SSH2: variants seen among roughly 807,000 people sequenced by gnomAD.
SSH2 encodes protein phosphatase Slingshot homolog 2.
A neutral mutation model predicts 135.2 loss-of-function variants in SSH2; 37 were observed. The ratio of observed to expected loss-of-function variants is 0.27; its 90% CI spans 0.21 to 0.36. The LOEUF is 0.36. Among genes scored for constraint, SSH2 ranks in the 10% least tolerant of loss-of-function variants. The pLI, the probability that SSH2 is intolerant of heterozygous loss-of-function variation, is 1.00. For missense variants in SSH2, 1,408 were observed against 1,765.3 expected (o/e 0.80, Z 3.63); for synonymous variants, 628 against 646.2 (o/e 0.97, Z 0.43).
intron 2 of SSH2, among the ~76,000 whole-genome samples, chr17:29,835,429 C>T (rs890627320): frequency 1.3e-5 from 2 of 152,186 alleles, no homozygotes; most frequent in South Asian, 2.1e-4. Flanking sequence ...CCTTTCCCTT[C>T]CCAAGAACAG....
At chr17:29,799,300 G>A (rs577496556) in intron 2 of SSH2, among the ~76,000 whole-genome samples, 1 of 152,132 alleles carries the variant, frequency 6.6e-6, no homozygotes, top group African/African-American at 2.4e-5. Flanking sequence ...ATACCTATGA[G>A]TGAAACTGCA....
At chr17:29,874,022 G>T (rs1287424790) in intron 1 of SSH2, among the ~76,000 whole-genome samples, 1 of 152,172 alleles carries the variant, frequency 6.6e-6, no homozygotes, top group African/African-American at 2.4e-5. Context: ...GCTGGGCGCA[G>T]CAGCTCATGC....
chr17:29,874,160 GTGCGTGCC>G (rs2065986902), intron 1 of SSH2, among the ~76,000 whole-genome samples: 1 of 151,928 alleles, frequency 6.6e-6, no homozygotes, highest in Non-Finnish European at 1.5e-5. Flanking sequence ...GAGTATGGTG[GTGCGTGCC>G]TGCAGTCCCA....
rs2042403997 is a variant in SSH2, at chr17:29,809,472, C to T, written c.145-15535G>A. ...AAGTCTTGTAGTATCTCTAACATAC[C>T]ACTCCGTCTTGTCTCAGACTTTACT... On this transcript the variant is annotated intron_variant, in intron 2 of 15. Coordinates refer to ENST00000540801, the MANE Select transcript of SSH2 (RefSeq NM_001282129.2). 3.3e-5 allele frequency among the ~76,000 whole-genome samples: 5 copies of T among 152,100 alleles called. No individual in the cohort carries two copies. In the South Asian group the frequency reaches 1.0e-3, roughly 32 times the overall value.
chr17:29,668,045 C>T (rs760065374), intron 9 of SSH2, among the ~76,000 whole-genome samples: 9 of 152,204 alleles, frequency 5.9e-5, no homozygotes, highest in Non-Finnish European at 1.2e-4. Flanking sequence ...ATGAGGTTGA[C>T]AGAGAGTACT....
At chr17:29,859,218 C>T (rs1015178344) in intron 1 of SSH2, among the ~76,000 whole-genome samples, 3 of 152,084 alleles carry the variant, frequency 2.0e-5, no homozygotes, top group Admixed American at 6.6e-5. Flanking sequence ...TCTTCAATAT[C>T]GGTAAAGGTG....
intron 1 of SSH2, among the ~76,000 whole-genome samples, chr17:29,899,385 G>A (rs1463776641): frequency 5.3e-5 from 8 of 152,132 alleles, no homozygotes; most frequent in African/African-American, 7.2e-5. Context: ...AAACCCCATC[G>A]TCTCAGCCCA....
intron 1 of SSH2, among the ~76,000 whole-genome samples, chr17:29,903,932 C>A (rs1433220872): frequency 6.6e-6 from 1 of 152,088 alleles, no homozygotes; most frequent in Admixed American, 6.5e-5. Flanking sequence ...AACATACACC[C>A]TCCTGAGACT....
At chr17:29,841,285 G>A (rs1008371090) in intron 2 of SSH2, among the ~76,000 whole-genome samples, 7 of 152,172 alleles carry the variant, frequency 4.6e-5, no homozygotes, top group African/African-American at 1.4e-4. Flanking sequence ...ACACTTTTCT[G>A]TATGTATATT....
Position 29,635,953 on chromosome 17 carries a change from A to G in SSH2, c.2262+15T>C. ...AGAACTTCATTAGGCGGAAAACTAT[A>G]AAGACAGTTTTTACCTTTGACTGTT... On this transcript the variant is annotated intron_variant, in intron 15 of 15. Coordinates refer to ENST00000540801, the MANE Select transcript of SSH2 (RefSeq NM_001282129.2). The G allele has an allele frequency of 6.4e-7, 1 of 1,562,170 alleles. No individual in the cohort carries two copies. The highest frequency in any genetic ancestry group is 8.8e-7 in the Non-Finnish European group (1 of 1,139,968).
chr17:29,756,428 ACCTG>A (rs914800723), intron 3 of SSH2, among the ~76,000 whole-genome samples: 8 of 151,074 alleles, frequency 5.3e-5, no homozygotes, highest in East Asian at 3.9e-4. Flanking sequence ...GAACCACTAC[ACCTG>A]CCTGCCTGCC....
rs769872137 is a variant in SSH2 at position 29,636,651 on chromosome 17, G to A, written c.1579C>T (p.His527Tyr). 2 of 1,614,160 alleles carry A rather than the reference G, an allele frequency of 1.2e-6. No individual in the cohort carries two copies. Among genetic ancestry groups the A allele is most frequent in the Non-Finnish European group, 1.7e-6 (2 of 1,180,034 alleles). The change falls in exon 15 of 16, where the codon CAC (histidine) becomes TAC (tyrosine). Residue 527 changes from histidine (H) to tyrosine (Y), a missense_variant. Physicochemically the swap from His to Tyr is moderately conservative, Grantham distance 83 (BLOSUM62 2). This residue lies in a region of SSH2 where 1,080 missense variants were observed against 1,144.5 expected (regional missense o/e 0.94). Coordinates refer to ENST00000540801, the MANE Select transcript of SSH2 (RefSeq NM_001282129.2). The part of the protein sequence containing the change: ...QIAEVKTMES[H>Y]PPIPPVFVEH... Reference sequence around the variant, plus strand: ...ACAAAGACAGGAGGTATGGGTGGGTGACTCTCCATGGTCTTCACCTCAGCA... The same window carrying A: ...ACAAAGACAGGAGGTATGGGTGGGTAACTCTCCATGGTCTTCACCTCAGCA...
chr17:29,862,481 C>T (rs761817359), intron 1 of SSH2, among the ~76,000 whole-genome samples: 1 of 152,158 alleles, frequency 6.6e-6, no homozygotes, highest in Non-Finnish European at 1.5e-5. Flanking sequence ...AATTAAGAGA[C>T]CAACAGTCTT....
At chr17:29,806,751 C>T (rs926960909) in intron 2 of SSH2, among the ~76,000 whole-genome samples, 1 of 152,178 alleles carries the variant, frequency 6.6e-6, no homozygotes, top group African/African-American at 2.4e-5. Context: ...AATATCTCCT[C>T]CTCTACTTAT....
intron 1 of SSH2, among the ~76,000 whole-genome samples, chr17:29,900,564 C>G (rs2066531961): frequency 6.6e-6 from 1 of 152,170 alleles, no homozygotes; most frequent in Non-Finnish European, 1.5e-5. Flanking sequence ...AAATGCAAAT[C>G]AAAACCACAA....
intron 3 of SSH2, among the ~76,000 whole-genome samples, chr17:29,738,560 AT>A (rs1023481182): frequency 1.1e-3 from 156 of 144,578 alleles, no homozygotes; most frequent in Non-Finnish European, 1.8e-3. Context: ...ATTTTATTTT[AT>A]TTTTTTTTTT....
intron 2 of SSH2, among the ~76,000 whole-genome samples, chr17:29,832,166 T>C (rs1333633483): frequency 6.6e-6 from 1 of 152,210 alleles, no homozygotes; most frequent in African/African-American, 2.4e-5. Flanking sequence ...TTTTTTGACA[T>C]GGGGTCTCGC....
intron 2 of SSH2, among the ~76,000 whole-genome samples, chr17:29,801,407 T>C (rs932137671): frequency 6.6e-6 from 1 of 152,154 alleles, no homozygotes; most frequent in African/African-American, 2.4e-5. Context: ...TTTGCTCCAA[T>C]CCAAGTCATC....
At chr17:29,831,754 A>G (rs202027839) in intron 2 of SSH2, among the ~76,000 whole-genome samples, 1 of 143,446 alleles carries the variant, frequency 7.0e-6, no homozygotes, top group Non-Finnish European at 1.5e-5. Context: ...TTTTTTTTGT[A>G]TTTGTGGTAG....
Sources: allele counts gnomAD v4.1 joint callset (sites outside exome capture counted in the v4.1 genomes callset), GRCh38; gene constraint gnomAD v4.1.1; regional missense constraint gnomAD v4.1.1; transcripts MANE v1.5; gene names NCBI Gene and HGNC (gene_info 2026-07-23, HGNC 2026-07-21).